Variants in CLIP1 observed in about 807,000 individuals in gnomAD.
CLIP1 encodes the protein CAP-Gly domain-containing linker protein 1.
Under a neutral mutation model 161.6 loss-of-function variants are expected in CLIP1, and 66 were observed. That is an observed-to-expected ratio of 0.41 (90% CI 0.33 to 0.50). The LOEUF is 0.50. CLIP1 is among the 20% of genes least tolerant of loss of function. CLIP1 has a pLI of 0.27. For synonymous variants in CLIP1, 598 were observed against 626.2 expected (o/e 0.96, Z 0.67); for missense variants, 1,376 against 1,702.0 (o/e 0.81, Z 3.37).
chr12:122,398,638 C>G (rs1229824873), intron 1 of CLIP1, among the ~76,000 whole-genome samples: 4 of 151,800 alleles, frequency 2.6e-5, no homozygotes, highest in Non-Finnish European at 5.9e-5. Flanking sequence ...GAGGCCAAGG[C>G]AGGTGGATCA....
At chr12:122,287,356 G>A (rs1289377540) in intron 21 of CLIP1, among the ~76,000 whole-genome samples, 2 of 152,158 alleles carry the variant, frequency 1.3e-5, no homozygotes, top group East Asian at 1.9e-4. Flanking sequence ...TCAGTAGGTC[G>A]GTGGGGAAAC....
Position 122,278,850 on chromosome 12 carries a change from C to T in CLIP1, c.3858G>A (p.Lys1286=), listed in dbSNP as rs758767566. Residue 1286 remains lysine, a synonymous_variant, in exon 23 of 26, where the codon AAG becomes AAA. Transcript: ENST00000620786. ...TGAGTTGAAGCTCCAAGTTCTTTACCTTGAGCTCGAGCTTCACCTTATCAG... is the reference window on the plus strand; with the variant it reads ...TGAGTTGAAGCTCCAAGTTCTTTACTTTGAGCTCGAGCTTCACCTTATCAG... The part of the protein sequence containing the change: ...LESDKVKLEL[K]VKNLELQLKE... The T allele has an allele frequency of 3.7e-6, 6 of 1,612,248 alleles. No homozygotes were observed. In the Admixed American group the frequency reaches 8.4e-5, roughly 22 times the overall value.
In CLIP1 at chr12:122,338,029, C is replaced by A. The variant is rs1418115202; in HGVS notation, c.2452-1281G>T. 4.8e-3 allele frequency among the ~76,000 whole-genome samples: 647 copies of A among 136,186 alleles called. 6 individuals are homozygous for A. The highest frequency in any genetic ancestry group is 0.016 in the African/African-American group (520 of 33,012). The allele number at this position is 136,186 out of a possible 152,430, so 89.3% of individuals were successfully genotyped here. ...GACTCTGTCTCAAAAAAAAAAAAAA[C>A]AAAACCAAAACCAAAAAACCTTAAG... On this transcript the variant is annotated intron_variant, in intron 11 of 25. Coordinates refer to ENST00000620786, the MANE Select transcript of CLIP1 (RefSeq NM_001247997.2).
intron 1 of CLIP1, among the ~76,000 whole-genome samples, chr12:122,405,930 T>C (rs905718395): frequency 9.2e-5 from 14 of 151,494 alleles, no homozygotes; most frequent in Non-Finnish European, 1.5e-4. Context: ...TAGCCGGGCA[T>C]GGCGGCAGCT....
chr12:122,364,107 C>T lies in CLIP1; in HGVS notation c.658G>A (p.Val220Ile). The change falls in exon 4 of 26, where the codon GTT becomes ATT. Residue 220 changes from valine (V) to isoleucine (I), a missense_variant and splice_region_variant. Physicochemically the swap from Val to Ile is conservative, Grantham distance 29. Transcript: ENST00000620786. ...ACTACACCAGCCTTAGTGCCACCAACCTGGAAGAAGAGAAGGTTAAAATAA... is the reference window on the plus strand; with the variant it reads ...ACTACACCAGCCTTAGTGCCACCAATCTGGAAGAAGAGAAGGTTAAAATAA... The part of the protein sequence containing the change: ...RELKIGDRVL[V>I]GGTKAGVVRF... 1 of 1,614,122 alleles carries T rather than the reference C, an allele frequency of 6.2e-7. No homozygotes were observed. Among genetic ancestry groups the T allele is most frequent in the Non-Finnish European group, 8.5e-7 (1 of 1,180,012 alleles).
At chr12:122,329,222 G>A (rs1951831934) in intron 15 of CLIP1, among the ~76,000 whole-genome samples, 1 of 152,172 alleles carries the variant, frequency 6.6e-6, no homozygotes, top group African/African-American at 2.4e-5. Flanking sequence ...AGCTACTCAG[G>A]AGGCTGAGGC....
chr12:122,304,495 G>C (rs948819167), intron 20 of CLIP1, among the ~76,000 whole-genome samples: 1 of 152,170 alleles, frequency 6.6e-6, no homozygotes, highest in African/African-American at 2.4e-5. Flanking sequence ...CGAGTAGCCA[G>C]AATTACAGGC....
intron 3 of CLIP1, among the ~76,000 whole-genome samples, chr12:122,367,243 T>C (rs1254071863): frequency 6.6e-6 from 1 of 152,166 alleles, no homozygotes; most frequent in Non-Finnish European, 1.5e-5. Context: ...CAACTATTTC[T>C]CTAAATGCAG....
At chr12:122,388,667 C>T (rs1242848615) in intron 1 of CLIP1, among the ~76,000 whole-genome samples, 1 of 152,130 alleles carries the variant, frequency 6.6e-6, no homozygotes, top group Non-Finnish European at 1.5e-5. Context: ...ATTCTGGGCT[C>T]AAGTGATTCA....
chr12:122,414,006 CAA>C (rs1171210716), intron 1 of CLIP1, among the ~76,000 whole-genome samples: 2 of 152,068 alleles, frequency 1.3e-5, no homozygotes, highest in African/African-American at 2.4e-5. Flanking sequence ...CTACAAGCAA[CAA>C]AAAAAGTCTC....
At chr12:122,406,650 TAAGAA>T (rs1445767946) in intron 1 of CLIP1, among the ~76,000 whole-genome samples, 1 of 152,136 alleles carries the variant, frequency 6.6e-6, no homozygotes, top group Non-Finnish European at 1.5e-5. Flanking sequence ...ATTCTGTGCT[TAAGAA>T]AATTATATGT....
intron 4 of CLIP1, among the ~76,000 whole-genome samples, chr12:122,363,534 G>A (rs1225692328): frequency 6.6e-6 from 1 of 151,908 alleles, no homozygotes; most frequent in Admixed American, 6.6e-5. Flanking sequence ...CCTTACGATG[G>A]AAGAGGTCCG....
At chr12:122,356,979 G>A (rs1292883675) in intron 5 of CLIP1, among the ~76,000 whole-genome samples, 3 of 152,160 alleles carry the variant, frequency 2.0e-5, no homozygotes, top group Non-Finnish European at 2.9e-5. Context: ...GCGTGATCTC[G>A]GCTCGCTACA....
chr12:122,288,630 G>A (rs1159963978), intron 20 of CLIP1, 89 bp from the exon 21 acceptor site: 5 of 1,134,772 alleles, frequency 4.4e-6, no homozygotes, highest in African/African-American at 1.6e-5. Context: ...CCAGGCTCCA[G>A]GACAGCTAAA....
At chr12:122,294,031 A>AG (rs760768713) in intron 20 of CLIP1, among the ~76,000 whole-genome samples, 30 of 151,818 alleles carry the variant, frequency 2.0e-4, no homozygotes, top group Non-Finnish European at 3.5e-4. Context: ...TGGCCTCTTC[A>AG]CGAATTCAAA....
intron 3 of CLIP1, among the ~76,000 whole-genome samples, chr12:122,369,244 C>T (rs1459650351): frequency 6.6e-6 from 1 of 152,048 alleles, no homozygotes; most frequent in Non-Finnish European, 1.5e-5. Flanking sequence ...TAGTCTCCAA[C>T]TCCTGACCTC....
chr12:122,380,554 T>C lies in CLIP1; in HGVS notation c.-102A>G. On this transcript the variant is annotated 5_prime_UTR_variant, in exon 2 of 26. Coordinates refer to ENST00000620786, the MANE Select transcript of CLIP1 (RefSeq NM_001247997.2). ...TCTATAGTGAAGTCAGTCTCTGGAT[T>C]AAATCTGCAAAGAGAAAGAAATAAA... The C allele has an allele frequency of 1.6e-6, 1 of 621,404 alleles. No individual in the cohort carries two copies. Among genetic ancestry groups the C allele is most frequent in the Non-Finnish European group, 2.8e-6 (1 of 359,154 alleles). The allele number at this position is 621,404 out of a possible 1,614,324, so 38.5% of individuals were successfully genotyped here.
intron 1 of CLIP1, among the ~76,000 whole-genome samples, chr12:122,414,969 A>G (rs978008747): frequency 1.3e-5 from 2 of 152,022 alleles, no homozygotes; most frequent in Non-Finnish European, 1.5e-5. Context: ...GAGGCATGAG[A>G]ATCCTCTGAA....
At chr12:122,390,300 A>ATATATG (rs1555280697) in intron 1 of CLIP1, among the ~76,000 whole-genome samples, 1 of 129,276 alleles carries the variant, frequency 7.7e-6, no homozygotes, top group South Asian at 2.4e-4. Context: ...ATATATATAT[A>ATATATG]TATGTATATA....
Sources: gnomAD v4.1 joint callset for allele counts (sites outside exome capture counted in the v4.1 genomes callset) on GRCh38, gnomAD v4.1.1 for gene constraint, MANE v1.5 for transcripts, NCBI Gene and HGNC (gene_info 2026-07-23, HGNC 2026-07-21) for gene names.